Variants in H3-3B observed in about 807,000 individuals in gnomAD.
H3-3B encodes the protein H3.3 histone B.
Under a neutral mutation model 13.1 loss-of-function variants are expected in H3-3B, and 2 were observed. That is an observed-to-expected ratio of 0.15 (90% confidence interval 0.06 to 0.48). The LOEUF (loss-of-function observed/expected upper bound fraction) is 0.48, where lower values mean the gene tolerates loss of function less well. Among genes scored for constraint, H3-3B ranks in the 20% least tolerant of loss-of-function variants. H3-3B has a pLI of 0.97. For missense variants in H3-3B, 39 were observed against 186.0 expected, an observed-to-expected ratio of 0.21 and a Z score of 4.60; for synonymous variants, 133 against 75.8, an observed-to-expected ratio of 1.76 and a Z score of -3.92.
At chr17:75,779,258 A>G (rs2061654237) in intron 1 of H3-3B, 74 bp from the exon 2 acceptor site, 3 of 1,355,090 alleles carry the variant, frequency 2.2e-6, no homozygotes, top group South Asian at 3.7e-5. Flanking sequence ...GGGGAGGAAC[A>G]GATCCTGGCC....
intron 2 of H3-3B, 35 bp from the exon 3 acceptor site, chr17:75,778,998 C>T: frequency 6.2e-7 from 1 of 1,612,866 alleles, no homozygotes; most frequent in Non-Finnish European, 8.5e-7. Flanking sequence ...GCGGACGCTG[C>T]CGCACAAAGC....
rs1427416861 is a variant in H3-3B at position 75,777,837 on chromosome 17, T to G, written c.*758A>C. The G allele has an allele frequency of 6.6e-6, 1 of 152,596 alleles. No individual in the cohort carries two copies. Among genetic ancestry groups the G allele is most frequent in the Non-Finnish European group, 1.5e-5 (1 of 68,044 alleles). 9.5% of individuals were successfully genotyped at this position (152,596 alleles called of 1,614,324 possible). ...AATAACTCGTTTTTTCTAGAGCCCT[T>G]ATAAATAAAATCCCCCAGTTAGTGT... On this transcript the variant is annotated 3_prime_UTR_variant, in exon 4 of 4. Transcript: ENST00000254810.
rs1319995766 is a variant in H3-3B at position 75,777,427 on chromosome 17, T to TA, written c.*1167dup. On this transcript the variant is annotated 3_prime_UTR_variant, in exon 4 of 4. Transcript: ENST00000254810. ...CTAGATAATGGGACATGTGAAAACT[T>TA]AGTACATTCAATTTAGGTTTTGGAC... 5 of 152,660 alleles carry TA rather than the reference T, an allele frequency of 3.3e-5. No individual in the cohort carries two copies. Among genetic ancestry groups the TA allele is most frequent in the Non-Finnish European group, 7.3e-5 (5 of 68,042 alleles). 9.5% of individuals were successfully genotyped at this position (152,660 alleles called of 1,614,324 possible). A position where few individuals can be genotyped will look rare whatever the true frequency, so the allele number is the denominator to read the frequency against.
In H3-3B at chr17:75,778,587, G is replaced by GCCTTCACTTAAGCTCTCTCT. The variant is rs2061650723; in HGVS notation, c.399_*7dup. Reference sequence around the variant, plus strand: ...TTTACTACAAAACGCCATAAAAACTGCCTTCACTTAAGCTCTCTCTCCCCG... The same window carrying GCCTTCACTTAAGCTCTCTCT: ...TTTACTACAAAACGCCATAAAAACTGCCTTCACTTAAGCTCTCTCTCCTTCACTTAAGCTCTCTCTCCCCG... On this transcript the variant is annotated 3_prime_UTR_variant, in exon 4 of 4. Transcript: ENST00000254810. The GCCTTCACTTAAGCTCTCTCT allele has an allele frequency of 6.2e-7, 1 of 1,606,880 alleles. No homozygotes were observed. The highest frequency in any genetic ancestry group is 1.3e-5 in the African/African-American group (1 of 74,644).
chr17:75,778,998 C>CCGCA (rs1277076733), intron 2 of H3-3B, 35 bp from the exon 3 acceptor site: 2 of 1,612,748 alleles, frequency 1.2e-6, no homozygotes, highest in East Asian at 4.5e-5. Context: ...GCGGACGCTG[C>CCGCA]CGCACAAAGC....
In H3-3B at chr17:75,778,825, G is replaced by C; in HGVS notation, c.267C>G (p.Ala89=). Residue 89 remains alanine (A), a synonymous_variant, in exon 3 of 4, where the codon GCC becomes GCG. Coordinates refer to ENST00000254810, the MANE Select transcript of H3-3B (RefSeq NM_005324.5). ...FKTDLRFQSA[A]IGALQEASEA... is the part of the protein sequence containing the mutation. ...TTTGTCTTACCTGCAGCGCACCGAT[G>C]GCTGCGCTCTGAAACCTCAGGTCGG... The C allele has an allele frequency of 6.2e-7, 1 of 1,614,184 alleles. No individual in the cohort carries two copies. Among genetic ancestry groups the C allele is most frequent in the Non-Finnish European group, 8.5e-7 (1 of 1,180,030 alleles).
At chr17:75,778,747 A>G (rs1376665197) in intron 3 of H3-3B, 24 bp from the exon 4 acceptor site, 8 of 1,614,098 alleles carry the variant, frequency 5.0e-6, no homozygotes, top group Admixed American at 1.7e-5. Flanking sequence ...GAGCCGCACT[A>G]TTAATCCCAC....
intron 1 of H3-3B, chr17:75,779,452 C>A (rs893441519): frequency 6.8e-6 from 2 of 292,878 alleles, no homozygotes; most frequent in Admixed American, 5.2e-5. Context: ...TGCCCGGAAC[C>A]CGGCGTCGGG....
In H3-3B at chr17:75,778,426, A is replaced by C; in HGVS notation, c.*169T>G. ...GTCACTCCTGAGCAACAGTGCTCAC[A>C]TCACTGAGGTCTGTGAACAGTCACT... On this transcript the variant is annotated 3_prime_UTR_variant, in exon 4 of 4. Transcript: ENST00000254810. 1.1e-6 allele frequency: 1 copy of C among 895,976 alleles called. No homozygotes were observed. 55.5% of individuals were successfully genotyped at this position (895,976 alleles called of 1,614,324 possible). A position where few individuals can be genotyped will look rare whatever the true frequency, so the allele number is the denominator to read the frequency against.
chr17:75,779,231 G>GCCC, intron 1 of H3-3B, 47 bp from the exon 2 acceptor site: 1 of 1,426,092 alleles, frequency 7.0e-7, no homozygotes, highest in Non-Finnish European at 9.2e-7. Context: ...CACCCGGGCC[G>GCCC]CCCCCCAGGG....
At position 75,776,589 on chromosome 17, in the gene H3-3B, C is replaced by T. The variant is rs1017864181; in HGVS notation, c.*2006G>A. On this transcript the variant is annotated 3_prime_UTR_variant, in exon 4 of 4. Transcript: ENST00000254810. ...GCCTACAACCAAAAGCTATCTTCGC[C>T]TTCTGGGTTGAGTGCTCAAGCCAAG... is the stretch of plus-strand genomic sequence containing the variant. The T allele has an allele frequency of 1.3e-5, 2 of 152,232 alleles. No individual in the cohort carries two copies. The highest frequency in any genetic ancestry group is 4.8e-5 in the African/African-American group (2 of 41,454). The allele number at this position is 152,232 out of a possible 1,614,324, so 9.4% of individuals were successfully genotyped here.
rs188384328 is a variant in H3-3B, at chr17:75,777,635, T to C, written c.*960A>G. On this transcript the variant is annotated 3_prime_UTR_variant, in exon 4 of 4. Transcript: ENST00000254810. ...TTGGCAGAGGTTCAGTGGGCTGGAGTTTTGTGCTCCTCCCCCACACCAAGT... is the reference window on the plus strand; with the variant it reads ...TTGGCAGAGGTTCAGTGGGCTGGAGCTTTGTGCTCCTCCCCCACACCAAGT... The C allele has an allele frequency of 2.0e-5, 3 of 152,098 alleles. No homozygotes were observed. The South Asian group carries it at 6.3e-4, about 32-fold the overall frequency. The allele number at this position is 152,098 out of a possible 1,614,324, so 9.4% of individuals were successfully genotyped here.
intron 2 of H3-3B, 31 bp downstream of exon 2, chr17:75,779,016 C>CG: frequency 6.2e-7 from 1 of 1,611,894 alleles, no homozygotes; most frequent in Non-Finnish European, 8.5e-7. Context: ...AGCCGGCCAC[C>CG]GCCGGGCCAT....
At chr17:75,779,417 C>T (rs2061655257) in intron 1 of H3-3B, 5 of 364,878 alleles carry the variant, frequency 1.4e-5, no homozygotes, top group Admixed American at 9.5e-5. Context: ...AGTCACTTCC[C>T]TTCCTCGACG....
rs541360201 is a variant in H3-3B, at chr17:75,778,849, G to C, written c.243C>G (p.Thr81=). 1.2e-6 allele frequency: 2 copies of C among 1,614,182 alleles called. No homozygotes were observed. Among genetic ancestry groups the C allele is most frequent in the South Asian group, 1.1e-5 (1 of 91,082 alleles). Residue 81 remains threonine (T), a synonymous_variant, in exon 3 of 4, where the codon ACC becomes ACG. Coordinates refer to ENST00000254810, the MANE Select transcript of H3-3B (RefSeq NM_005324.5). ...LVREIAQDFK[T]DLRFQSAAIG... ...TGGCTGCGCTCTGAAACCTCAGGTC[G>C]GTTTTGAAATCCTGCGCGATCTCCC...
rs777402446 is a variant in H3-3B at position 75,778,911 on chromosome 17, G to A, written c.181C>T (p.Leu61=). 6.8e-5 allele frequency: 109 copies of A among 1,614,052 alleles called. No homozygotes were observed. The highest frequency in any genetic ancestry group is 1.0e-4 in the Admixed American group (6 of 60,002). ...EIRRYQKSTE[L]LIRKLPFQRL... Reference sequence around the variant, plus strand: ...TGGAAGGGCAGCTTCCGGATGAGCAGCTCGGTCGACTTCTGATAACGACGA... The same window carrying A: ...TGGAAGGGCAGCTTCCGGATGAGCAACTCGGTCGACTTCTGATAACGACGA... The change falls in exon 3 of 4, where the codon CTG becomes TTG. Residue 61 remains leucine, a synonymous_variant. Transcript: ENST00000254810.
At position 75,777,195 on chromosome 17, in the gene H3-3B, A is replaced by T. The variant is rs2061642135; in HGVS notation, c.*1400T>A. ...CTGAGTTCTACACCTGTGGGCTTCTACACTACGGAACGGGAGTGGGGGGGC... is the reference window on the plus strand; with the variant it reads ...CTGAGTTCTACACCTGTGGGCTTCTTCACTACGGAACGGGAGTGGGGGGGC... On this transcript the variant is annotated 3_prime_UTR_variant, in exon 4 of 4. Coordinates refer to ENST00000254810, the MANE Select transcript of H3-3B (RefSeq NM_005324.5). 1 of 151,916 alleles carries T rather than the reference A, an allele frequency of 6.6e-6. No homozygotes were observed. Among genetic ancestry groups the T allele is most frequent in the African/African-American group, 2.4e-5 (1 of 41,230 alleles). The allele number at this position is 151,916 out of a possible 1,614,324, so 9.4% of individuals were successfully genotyped here.
chr17:75,778,536 A>G lies in H3-3B; in HGVS notation c.*59T>C. ...AACAATTTCTTACAAAAAAAGTCAC[A>G]AATTAAACCAAAGTATTTTACAGAA... On this transcript the variant is annotated 3_prime_UTR_variant, in exon 4 of 4. Coordinates refer to ENST00000254810, the MANE Select transcript of H3-3B (RefSeq NM_005324.5). 1 of 1,561,816 alleles carries G rather than the reference A, an allele frequency of 6.4e-7. No homozygotes were observed. The highest frequency in any genetic ancestry group is 8.7e-7 in the Non-Finnish European group (1 of 1,154,940).
Position 75,777,576 on chromosome 17 carries a change from T to C in H3-3B, c.*1019A>G, listed in dbSNP as rs1052636383. 1 of 152,578 alleles carries C rather than the reference T, an allele frequency of 6.6e-6. No individual in the cohort carries two copies. The highest frequency in any genetic ancestry group is 2.1e-4 in the South Asian group (1 of 4,836). The allele number at this position is 152,578 out of a possible 1,614,324, so 9.5% of individuals were successfully genotyped here. On this transcript the variant is annotated 3_prime_UTR_variant, in exon 4 of 4. Coordinates refer to ENST00000254810, the MANE Select transcript of H3-3B (RefSeq NM_005324.5). ...TATAAAAATGATTTTCCCAGGACAG[T>C]AACCAGATGTAACCTAACCCAACAC...
Sources: gnomAD v4.1 joint callset for allele counts on GRCh38, gnomAD v4.1.1 for gene constraint, MANE v1.5 for transcripts, NCBI Gene and HGNC (gene_info 2026-07-23, HGNC 2026-07-21) for gene names.